TBC1D1: variants seen among roughly 807,000 people sequenced by gnomAD.
TBC1D1 encodes the protein TBC1 domain family member 1.
In TBC1D1, 89 loss-of-function variants were observed where a neutral mutation model predicts 125.6. The ratio of observed to expected loss-of-function variants is 0.71; its 90% confidence interval spans 0.60 to 0.85. The LOEUF (loss-of-function observed/expected upper bound fraction) is 0.85. Among genes scored for constraint, TBC1D1 ranks in the 40% least tolerant of loss-of-function variants. The probability of loss-of-function intolerance (pLI) is 0.00; values close to 1 mark genes in which losing one functional copy is unlikely to be tolerated. For synonymous variants in TBC1D1, 565 were observed against 564.1 expected, an observed-to-expected ratio of 1.00 and a Z score of -0.02; for missense variants, 1,377 against 1,469.2, an observed-to-expected ratio of 0.94 and a Z score of 1.03.
At chr4:38,093,165 G>A (rs1321121213) in intron 13 of TBC1D1, among the ~76,000 whole-genome samples, 2 of 152,068 alleles carry the variant, frequency 1.3e-5, no homozygotes, top group Non-Finnish European at 2.9e-5. Context: ...CCTTCTTGAA[G>A]GAAGGTTAAA....
intron 4 of TBC1D1, 141 bp downstream of exon 4, chr4:38,018,584 T>TTCTC (rs61659971): frequency 0.4 from 214,170 of 539,820 alleles, 45,378 homozygotes; most frequent in East Asian, 0.63. Flanking sequence ...TCGCTTTTCT[T>TTCTC]CTTTGCTTTG....
chr4:37,981,690 C>T (rs1370688036), intron 2 of TBC1D1, among the ~76,000 whole-genome samples: 1 of 152,062 alleles, frequency 6.6e-6, no homozygotes, highest in Non-Finnish European at 1.5e-5. Flanking sequence ...GCTGGGTGCA[C>T]AGCACTGAGC....
At chr4:38,085,625 G>A (rs1757356895) in intron 12 of TBC1D1, among the ~76,000 whole-genome samples, 1 of 152,212 alleles carries the variant, frequency 6.6e-6, no homozygotes, top group Non-Finnish European at 1.5e-5. Flanking sequence ...GCCAAGCCAA[G>A]CTTCCTACAC....
At chr4:38,028,985 A>G (rs1183329022) in intron 7 of TBC1D1, among the ~76,000 whole-genome samples, 1 of 152,210 alleles carries the variant, frequency 6.6e-6, no homozygotes, top group Non-Finnish European at 1.5e-5. Context: ...GCTTTCTGCA[A>G]TAAACTTGGA....
intron 2 of TBC1D1, chr4:37,951,983 A>G (rs1727972308): frequency 1.4e-6 from 1 of 717,486 alleles, no homozygotes; most frequent in Non-Finnish European, 2.6e-6. Flanking sequence ...CAGACTATGT[A>G]TAAGCCTTTC....
intron 17 of TBC1D1, chr4:38,118,440 G>T: frequency 6.9e-6 from 3 of 433,668 alleles, no homozygotes; most frequent in South Asian, 2.8e-5. Flanking sequence ...GTGTAGATCC[G>T]ATCGCTCACC....
intron 2 of TBC1D1, among the ~76,000 whole-genome samples, chr4:37,957,917 T>A (rs930379509): frequency 4.6e-5 from 7 of 152,246 alleles, no homozygotes; most frequent in African/African-American, 1.4e-4. Flanking sequence ...CTGTAGGTAG[T>A]GTATTTTATT....
chr4:37,991,412 G>C (rs1271323282), intron 2 of TBC1D1, among the ~76,000 whole-genome samples: 2 of 152,180 alleles, frequency 1.3e-5, no homozygotes, highest in Admixed American at 1.3e-4. Flanking sequence ...AATCCTGACT[G>C]AGTAGATGGA....
At chr4:37,903,517 C>A (rs1716620969) in intron 2 of TBC1D1, among the ~76,000 whole-genome samples, 2 of 152,174 alleles carry the variant, frequency 1.3e-5, no homozygotes, top group African/African-American at 4.8e-5. Flanking sequence ...TGTCAATCCA[C>A]CTGTTAACTG....
chr4:38,087,019 C>A (rs781174481), intron 12 of TBC1D1, among the ~76,000 whole-genome samples: 3 of 152,126 alleles, frequency 2.0e-5, no homozygotes, highest in Admixed American at 6.5e-5. Flanking sequence ...CTCACTGCAC[C>A]TTATTTGTTT....
At chr4:38,035,104 A>G (rs1746954340) in intron 7 of TBC1D1, among the ~76,000 whole-genome samples, 1 of 152,214 alleles carries the variant, frequency 6.6e-6, no homozygotes, top group African/African-American at 2.4e-5. Context: ...TGTACATGCC[A>G]TGAAGTTTTG....
chr4:38,094,313 T>C (rs952341553), intron 13 of TBC1D1, among the ~76,000 whole-genome samples: 12 of 152,212 alleles, frequency 7.9e-5, no homozygotes, highest in African/African-American at 2.9e-4. Context: ...CCAAGTTGGC[T>C]CAGACATTTG....
Position 38,027,837 on chromosome 4 carries a change from A to G in TBC1D1, c.1260A>G (p.Thr420=). Residue 420 remains threonine, a synonymous_variant, in exon 7 of 20, where the codon ACA becomes ACG. Transcript: ENST00000261439. ...TAGAACTGCAAAAGCACCTGACGAC[A>G]TTAACCAATCAGGAGCAGGCGACTA... The G allele has an allele frequency of 6.2e-7, 1 of 1,613,868 alleles. No individual in the cohort carries two copies. Among genetic ancestry groups the G allele is most frequent in the Non-Finnish European group, 8.5e-7 (1 of 1,179,898 alleles).
chr4:38,135,924 A>ATGTGTGTGTG (rs57275262), intron 19 of TBC1D1, among the ~76,000 whole-genome samples: 17 of 144,984 alleles, frequency 1.2e-4, no homozygotes, highest in East Asian at 2.0e-4. Context: ...GTGTGTGTAT[A>ATGTGTGTGTG]TGTGTGTGTG....
At position 38,049,678 on chromosome 4, in the gene TBC1D1, G is replaced by T. The variant is rs778618441; in HGVS notation, c.1690G>T (p.Gly564Cys). The T allele has an allele frequency of 1.2e-6, 2 of 1,614,098 alleles. No individual in the cohort carries two copies. The highest frequency in any genetic ancestry group is 1.7e-6 in the Non-Finnish European group (2 of 1,180,000). The change falls in exon 11 of 20, where the codon GGC (glycine) becomes TGC (cysteine). Residue 564 changes from glycine (G) to cysteine (C), a missense_variant. Gly to Cys is a radical substitution (Grantham distance 159). Coordinates refer to ENST00000261439, the MANE Select transcript of TBC1D1 (RefSeq NM_015173.4). ...CTCTGAGAGCTCCTTTAAGCTCCTCGGCTCCTCGGAGGACCTGTCCAGTGA... is the reference window on the plus strand; with the variant it reads ...CTCTGAGAGCTCCTTTAAGCTCCTCTGCTCCTCGGAGGACCTGTCCAGTGA...
At chr4:37,985,368 T>C (rs939465357) in intron 2 of TBC1D1, among the ~76,000 whole-genome samples, 1 of 152,246 alleles carries the variant, frequency 6.6e-6, no homozygotes, top group African/African-American at 2.4e-5. Context: ...TGTGCTCTTT[T>C]GTTAAATTTA....
chr4:37,900,516 G>A (rs760789107), intron 1 of TBC1D1, among the ~76,000 whole-genome samples: 14 of 151,988 alleles, frequency 9.2e-5, no homozygotes, highest in Middle Eastern at 3.4e-3. Context: ...TTTGAGTCAG[G>A]CACTATGGCA....
chr4:38,052,743 CACACACACACACACACACACAG>C (rs1214006209), intron 11 of TBC1D1, among the ~76,000 whole-genome samples: 26 of 148,768 alleles, frequency 1.7e-4, no homozygotes, highest in African/African-American at 5.9e-4. Flanking sequence ...CACACACACA[CACACACACACACACACACACAG>C]GATAACATCT....
Position 37,902,057 on chromosome 4 carries a change from G to A in TBC1D1, c.-39G>A, listed in dbSNP as rs772559987. ...TTGCTTGATCCAAAACAGAAAAACAGTGATAACTGTTTTGCTGAGTTCCCA... is the reference window on the plus strand; with the variant it reads ...TTGCTTGATCCAAAACAGAAAAACAATGATAACTGTTTTGCTGAGTTCCCA... On this transcript the variant is annotated 5_prime_UTR_variant, in exon 2 of 20. In the 5' UTR this introduces an upstream ATG that the reference lacks. Transcript: ENST00000261439. The A allele has an allele frequency of 6.5e-7, 1 of 1,537,706 alleles. No individual in the cohort carries two copies. Among genetic ancestry groups the A allele is most frequent in the South Asian group, 1.3e-5 (1 of 79,734 alleles).
Sources: allele counts gnomAD v4.1 joint callset (sites outside exome capture counted in the v4.1 genomes callset), GRCh38; gene constraint gnomAD v4.1.1; transcripts MANE v1.5; gene names NCBI Gene and HGNC (gene_info 2026-07-23, HGNC 2026-07-21).